The following CREB3L2 variants were observed in gnomAD, a reference collection of about 807,000 sequenced individuals.
CREB3L2 encodes the protein cAMP responsive element binding protein 3 like 2.
A neutral mutation model predicts 57.2 loss-of-function variants in CREB3L2; 23 were observed. The ratio of observed to expected loss-of-function variants is 0.40; its 90% CI spans 0.29 to 0.57. The LOEUF is 0.57. Among genes scored for constraint, CREB3L2 ranks in the 20% least tolerant of loss-of-function variants. CREB3L2 has a pLI of 0.42. For missense variants in CREB3L2, 628 were observed against 634.7 expected (o/e 0.99, Z 0.11); for synonymous variants, 268 against 265.1 (o/e 1.01, Z -0.11).
At chr7:137,956,280 T>G (rs1391389146) in intron 1 of CREB3L2, among the ~76,000 whole-genome samples, 3 of 152,236 alleles carry the variant, frequency 2.0e-5, no homozygotes, top group Non-Finnish European at 4.4e-5. Flanking sequence ...TCAATCTAAT[T>G]GAACATTTTC....
intron 8 of CREB3L2, among the ~76,000 whole-genome samples, chr7:137,900,828 AT>A (rs1323240731): frequency 1.3e-5 from 2 of 151,968 alleles, no homozygotes; most frequent in African/African-American, 4.8e-5. Flanking sequence ...AAAAATACCA[AT>A]GATTTTCTCT....
At chr7:137,992,166 A>C (rs1801910143) in intron 1 of CREB3L2, among the ~76,000 whole-genome samples, 1 of 152,182 alleles carries the variant, frequency 6.6e-6, no homozygotes, top group South Asian at 2.1e-4. Context: ...GCAGCTGTAC[A>C]CACAAGAGGA....
At chr7:137,983,131 A>T (rs991362028) in intron 1 of CREB3L2, among the ~76,000 whole-genome samples, 3 of 152,212 alleles carry the variant, frequency 2.0e-5, no homozygotes, top group Admixed American at 6.5e-5. Context: ...GCCAAAATAC[A>T]GTCTACCTGT....
At chr7:137,907,611 G>A (rs61652269) in intron 5 of CREB3L2, among the ~76,000 whole-genome samples, 12,032 of 152,232 alleles carry the variant, frequency 0.079, 1,142 homozygotes, top group African/African-American at 0.23. Context: ...GTGAGATTGT[G>A]AATTCAAAAT....
intron 1 of CREB3L2, among the ~76,000 whole-genome samples, chr7:137,998,538 T>C (rs1197176160): frequency 6.6e-6 from 1 of 152,240 alleles, no homozygotes; most frequent in Non-Finnish European, 1.5e-5. Flanking sequence ...AGGCAAGTAC[T>C]TGCAGGCAGG....
At chr7:137,921,592 A>G (rs903866392) in intron 2 of CREB3L2, among the ~76,000 whole-genome samples, 1 of 152,210 alleles carries the variant, frequency 6.6e-6, no homozygotes, top group Non-Finnish European at 1.5e-5. Context: ...AGCTAAGCGC[A>G]TTGAATGGAT....
intron 1 of CREB3L2, among the ~76,000 whole-genome samples, chr7:137,942,276 C>T (rs1349944340): frequency 6.6e-6 from 1 of 152,202 alleles, no homozygotes; most frequent in African/African-American, 2.4e-5. Context: ...GAAAACCAGA[C>T]GAATATTTTC....
chr7:137,926,690 G>C (rs991690509), intron 2 of CREB3L2, among the ~76,000 whole-genome samples: 1 of 152,146 alleles, frequency 6.6e-6, no homozygotes, highest in Non-Finnish European at 1.5e-5. Flanking sequence ...ATAAGAACAA[G>C]AGGTGAACAC....
intron 2 of CREB3L2, among the ~76,000 whole-genome samples, chr7:137,917,314 G>A (rs1257865286): frequency 1.3e-5 from 2 of 151,800 alleles, no homozygotes; most frequent in East Asian, 1.9e-4. Context: ...AGCACTGCCT[G>A]GAAAAGCCGG....
intron 1 of CREB3L2, among the ~76,000 whole-genome samples, chr7:137,981,117 C>G (rs544725533): frequency 6.7e-4 from 102 of 152,182 alleles, no homozygotes; most frequent in Non-Finnish European, 1.3e-3. Context: ...GAGCAAAGCT[C>G]TAGGAAAACC....
chr7:137,966,433 A>C (rs1039183510), intron 1 of CREB3L2, among the ~76,000 whole-genome samples: 6 of 152,216 alleles, frequency 3.9e-5, no homozygotes, highest in Non-Finnish European at 7.3e-5. Flanking sequence ...CTCAGGGAGA[A>C]GGAGGAGCAC....
chr7:137,915,843 G>A lies in CREB3L2; in HGVS notation c.489C>T (p.Asn163=), dbSNP rs1314927964. ...LEKEEPPLEM[N]TGVDSSCQTI... Reference sequence around the variant, plus strand: ...AGACGAAAATTGAGCATACCCCAGTGTTCATTTCCAGAGGAGGTTCCTCCT... The same window carrying A: ...AGACGAAAATTGAGCATACCCCAGTATTCATTTCCAGAGGAGGTTCCTCCT... Residue 163 remains asparagine (N), a synonymous_variant, in exon 3 of 12, where the codon AAC becomes AAT. Coordinates refer to ENST00000330387, the MANE Select transcript of CREB3L2 (RefSeq NM_194071.4). The A allele has an allele frequency of 1.9e-6, 3 of 1,613,766 alleles. No individual in the cohort carries two copies. The highest frequency in any genetic ancestry group is 1.1e-5 in the South Asian group (1 of 91,054).
Position 137,879,634 on chromosome 7 carries a change from T to A in CREB3L2, c.*842A>T, listed in dbSNP as rs181690919. 262 of 245,290 alleles carry A rather than the reference T, an allele frequency of 1.1e-3. No individual in the cohort carries two copies. The highest frequency in any genetic ancestry group is 1.2e-3 in the Non-Finnish European group (145 of 125,830). 15.2% of individuals were successfully genotyped at this position (245,290 alleles called of 1,614,324 possible). ...TGGAAAGACACGGGATCCCAGAGCC[T>A]AGGGTGCCCTCCTAGCTCTGAAGGC... On this transcript the variant is annotated 3_prime_UTR_variant, in exon 12 of 12. Coordinates refer to ENST00000330387, the MANE Select transcript of CREB3L2 (RefSeq NM_194071.4).
At chr7:137,955,509 A>G (rs753499702) in intron 1 of CREB3L2, among the ~76,000 whole-genome samples, 1 of 152,220 alleles carries the variant, frequency 6.6e-6, no homozygotes, top group Non-Finnish European at 1.5e-5. Flanking sequence ...TTTCACTTCT[A>G]ATTTGTGATT....
intron 1 of CREB3L2, among the ~76,000 whole-genome samples, chr7:137,994,708 G>T (rs1430492787): frequency 6.6e-6 from 1 of 152,132 alleles, no homozygotes; most frequent in Non-Finnish European, 1.5e-5. Context: ...CACTGTGGGA[G>T]GCCGAGGCAG....
chr7:138,001,798 G>T lies in CREB3L2; in HGVS notation c.-93C>A. The stretch of plus-strand genomic sequence containing the variant: ...CGGCAAGGTTCCTCTCTCTCCGCGT[G>T]TGCTTGCGTGTGTGCGCGCGCGTGT... On this transcript the variant is annotated 5_prime_UTR_variant, in exon 1 of 12. Transcript: ENST00000330387. The surrounding 1 kb of genome is among the most constrained non-coding windows in gnomAD (Gnocchi z 4.2). The T allele has an allele frequency of 1.2e-6, 1 of 838,916 alleles. No individual in the cohort carries two copies. The highest frequency in any genetic ancestry group is 1.8e-6 in the Non-Finnish European group (1 of 571,274). 52.0% of individuals were successfully genotyped at this position (838,916 alleles called of 1,614,324 possible).
chr7:137,923,365 T>C (rs186855865), intron 2 of CREB3L2, among the ~76,000 whole-genome samples: 95 of 152,232 alleles, frequency 6.2e-4, no homozygotes, highest in African/African-American at 2.1e-3. Flanking sequence ...AATAGCAAAA[T>C]AGCGTGTATT....
At chr7:137,956,263 T>C (rs1398976261) in intron 1 of CREB3L2, among the ~76,000 whole-genome samples, 1 of 152,206 alleles carries the variant, frequency 6.6e-6, no homozygotes, top group Non-Finnish European at 1.5e-5. Flanking sequence ...AGGAGTAGAA[T>C]ACAATTTCAA....
At position 137,980,730 on chromosome 7, in the gene CREB3L2, G is replaced by T. The variant is rs1023178881; in HGVS notation, c.102+20874C>A. Among the ~76,000 whole-genome samples, 1 of 152,202 alleles carries T rather than the reference G, an allele frequency of 6.6e-6. No homozygotes were observed. Among genetic ancestry groups the T allele is most frequent in the Non-Finnish European group, 1.5e-5 (1 of 68,048 alleles). ...GCTGAAGGTCCTCAGGATTTCAACT[G>T]AGAGGGAGGAGTTGGGAAAGGCAAA... On this transcript the variant is annotated intron_variant, in intron 1 of 11. Coordinates refer to ENST00000330387, the MANE Select transcript of CREB3L2 (RefSeq NM_194071.4). The surrounding 1 kb of genome is among the most constrained non-coding windows in gnomAD (Gnocchi z 4.3).
Sources: allele counts gnomAD v4.1 joint callset (sites outside exome capture counted in the v4.1 genomes callset), GRCh38; gene constraint gnomAD v4.1.1; non-coding constraint Gnocchi (gnomAD v3.1); transcripts MANE v1.5; gene names NCBI Gene and HGNC (gene_info 2026-07-23, HGNC 2026-07-21).